Variants in ALS2 observed in about 807,000 individuals in gnomAD.
ALS2 encodes the protein alsin.
In ALS2, 117 loss-of-function variants were observed where a neutral mutation model predicts 203.4. The observed-to-expected ratio is 0.58, with a 90% CI of 0.50 to 0.67. ALS2 has a LOEUF of 0.67. Ranked by LOEUF, ALS2 falls within the 30% of genes least tolerant of loss-of-function variation. The probability of loss-of-function intolerance (pLI) is 0.00; values close to 1 mark genes in which losing one functional copy is unlikely to be tolerated. For missense variants in ALS2, 1,715 were observed against 1,989.4 expected, an observed-to-expected ratio of 0.86 and a Z score of 2.62; for synonymous variants, 718 against 725.9, an observed-to-expected ratio of 0.99 and a Z score of 0.17.
chr2:201,705,783 A>G (rs1689671326), intron 29 of ALS2, among the ~76,000 whole-genome samples: 1 of 152,158 alleles, frequency 6.6e-6, no homozygotes, highest in Non-Finnish European at 1.5e-5. Context: ...AAGCACAAAA[A>G]TAAGAAAATA....
rs1349425866 is a variant in ALS2 at position 201,728,556 on chromosome 2, C to T, written c.2797G>A (p.Val933Met). The part of the protein sequence containing the change: ...LSLQHAGRFS[V>M]NWFILFNDAL... ...TCATTAAAGAGAATGAACCAATTCACGGAAAACCTCCCAGCATGCTGCAGA... is the reference window on the plus strand; with the variant it reads ...TCATTAAAGAGAATGAACCAATTCATGGAAAACCTCCCAGCATGCTGCAGA... Residue 933 changes from valine (V) to methionine (M), a missense_variant, in exon 15 of 34, where the codon GTG becomes ATG. Transcript: ENST00000264276. 5.6e-6 allele frequency: 9 copies of T among 1,614,122 alleles called. No homozygotes were observed. The highest frequency in any genetic ancestry group is 1.6e-4 in the Middle Eastern group (1 of 6,062).
At position 201,738,670 on chromosome 2, in the gene ALS2, A is replaced by G. The variant is rs1559061860; in HGVS notation, c.2417T>C (p.Ile806Thr). The G allele has an allele frequency of 6.2e-7, 1 of 1,613,676 alleles. No homozygotes were observed. Among genetic ancestry groups the G allele is most frequent in the Non-Finnish European group, 8.5e-7 (1 of 1,179,546 alleles). Residue 806 changes from isoleucine to threonine, a missense_variant and splice_region_variant, in exon 12 of 34, where the codon ATT becomes ACT. Physicochemically the swap from Ile to Thr is moderately conservative, Grantham distance 89. Transcript: ENST00000264276. ...AACTGGAAGGTGTGGGTTTGCTTAC[A>G]TGGCAGGCTTAGCAAGAAGCTGGAA... The part of the protein sequence containing the change: ...GGFQLLAKPA[I>T]DFLNKNQELL...
At chr2:201,719,027 T>C (rs1279646085) in intron 23 of ALS2, among the ~76,000 whole-genome samples, 2 of 151,976 alleles carry the variant, frequency 1.3e-5, no homozygotes, top group Non-Finnish European at 2.9e-5. Flanking sequence ...AAACTAGAAG[T>C]TGCTTCTTTG....
At position 201,726,702 on chromosome 2, in the gene ALS2, G is replaced by C. The variant is rs753116627; in HGVS notation, c.3144C>G (p.Thr1048=). Residue 1048 remains threonine, a synonymous_variant, in exon 18 of 34, where the codon ACC becomes ACG. Coordinates refer to ENST00000264276, the MANE Select transcript of ALS2 (RefSeq NM_020919.4). ...FYKDPRLKDA[T]YDGRWLSGKP... ...TCCCTGAAAGCCAGCGTCCATCATA[G>C]GTGGCATCCTTTAGGCGAGGATCCT... 1 of 1,614,150 alleles carries C rather than the reference G, an allele frequency of 6.2e-7. No individual in the cohort carries two copies. The highest frequency in any genetic ancestry group is 8.5e-7 in the Non-Finnish European group (1 of 1,180,026).
At chr2:201,760,839 C>T in intron 4 of ALS2, 42 bp downstream of exon 4, 1 of 1,579,242 alleles carries the variant, frequency 6.3e-7, no homozygotes, top group South Asian at 1.2e-5. Flanking sequence ...CCATACAGTT[C>T]AACTCTAGAC....
intron 6 of ALS2, 116 bp downstream of exon 6, chr2:201,754,387 C>T: frequency 7.7e-7 from 1 of 1,292,032 alleles, no homozygotes; most frequent in African/African-American, 1.5e-5. Context: ...GTGTAATAAT[C>T]TGAAGCTAGA....
At chr2:201,759,751 G>A in intron 4 of ALS2, 1 of 985,040 alleles carries the variant, frequency 1.0e-6, no homozygotes. Flanking sequence ...CATTCTGACA[G>A]AGTAAACAAT....
At chr2:201,734,261 G>A (rs1175878935) in intron 12 of ALS2, among the ~76,000 whole-genome samples, 1 of 152,128 alleles carries the variant, frequency 6.6e-6, no homozygotes, top group Admixed American at 6.5e-5. Context: ...GATAGCTTGA[G>A]CCCGGAAGTT....
chr2:201,763,120 T>G lies in ALS2; in HGVS notation c.176-1302A>C, dbSNP rs534059847. On this transcript the variant is annotated intron_variant, in intron 3 of 33. Transcript: ENST00000264276. ...TGCCACTGGGGACTACAATGGCCACTTGCTCCAAGGAGGTGGCCACTGCCA... is the reference window on the plus strand; with the variant it reads ...TGCCACTGGGGACTACAATGGCCACGTGCTCCAAGGAGGTGGCCACTGCCA... The G allele has an allele frequency of 1.0e-4, 21 of 207,078 alleles. No homozygotes were observed. In the East Asian group the frequency reaches 2.1e-3, roughly 21 times the overall value. 12.8% of individuals were successfully genotyped at this position (207,078 alleles called of 1,614,324 possible).
At chr2:201,727,374 G>C in intron 16 of ALS2, 96 bp from the exon 17 acceptor site, 1 of 1,084,456 alleles carries the variant, frequency 9.2e-7, no homozygotes, top group South Asian at 1.3e-5. Context: ...TATTTCAAGA[G>C]GAACAGAAAT....
chr2:201,707,510 C>G (rs544454515), intron 28 of ALS2, among the ~76,000 whole-genome samples: 1 of 152,100 alleles, frequency 6.6e-6, no homozygotes, highest in South Asian at 2.1e-4. Context: ...CTCACTGCAG[C>G]CTTTAACCTC....
rs1689827778 is a variant in ALS2, at chr2:201,707,958, G to C, written c.4314C>G (p.Ser1438Arg). The C allele has an allele frequency of 6.2e-7, 1 of 1,613,084 alleles. No individual in the cohort carries two copies. Among genetic ancestry groups the C allele is most frequent in the African/African-American group, 1.3e-5 (1 of 74,886 alleles). Residue 1438 changes from serine (S) to arginine (R), a missense_variant, in exon 28 of 34, where the codon AGC becomes AGG. Transcript: ENST00000264276. Reference protein sequence around the residue: ...FLFPELPEEGSTIPLSAPLPT... With the variant: ...FLFPELPEEGRTIPLSAPLPT... ...GCAGAGGAGCAGAGAGAGGAATTGT[G>C]CTGCCTTCTTCAGGCAGCTCAGGAA...
rs542587063 is a variant in ALS2 at position 201,741,886 on chromosome 2, C to A, written c.2171-32G>T. ...CAAAATAATGATGATGATGACAACA[C>A]AAACTGAAAACCGATCACTTTATTA... On this transcript the variant is annotated intron_variant, in intron 10 of 33. Coordinates refer to ENST00000264276, the MANE Select transcript of ALS2 (RefSeq NM_020919.4). The A allele has an allele frequency of 1.0e-5, 16 of 1,548,562 alleles. No homozygotes were observed. The South Asian group carries it at 1.7e-4, about 16-fold the overall frequency.
intron 12 of ALS2, among the ~76,000 whole-genome samples, chr2:201,736,733 G>A (rs963574369): frequency 3.3e-5 from 5 of 151,494 alleles, no homozygotes; most frequent in Admixed American, 6.6e-5. Flanking sequence ...ATGAATAATC[G>A]TAAGAATGAG....
At chr2:201,777,127 CACA>C (rs1694697433) in intron 1 of ALS2, among the ~76,000 whole-genome samples, 1 of 152,120 alleles carries the variant, frequency 6.6e-6, no homozygotes, top group Admixed American at 6.5e-5. Flanking sequence ...GTATCTGAGT[CACA>C]ACATGTCCAA....
At chr2:201,702,779 T>C (rs1302191377) in intron 33 of ALS2, among the ~76,000 whole-genome samples, 1 of 152,192 alleles carries the variant, frequency 6.6e-6, no homozygotes, top group Non-Finnish European at 1.5e-5. Context: ...CTGTGGCCAA[T>C]ATTTTCCCCA....
intron 4 of ALS2, 76 bp from the exon 5 acceptor site, chr2:201,757,835 T>C: frequency 8.7e-7 from 1 of 1,149,422 alleles, no homozygotes; most frequent in Admixed American, 2.3e-5. Context: ...AAAGAAAGGC[T>C]AATATCCATC....
At chr2:201,714,606 T>G (rs1159448085) in intron 25 of ALS2, among the ~76,000 whole-genome samples, 1 of 152,220 alleles carries the variant, frequency 6.6e-6, no homozygotes, top group African/African-American at 2.4e-5. Context: ...AGCAAATCAC[T>G]GAATGTGTAA....
intron 33 of ALS2, among the ~76,000 whole-genome samples, chr2:201,702,810 T>C (rs1434642178): frequency 1.3e-5 from 2 of 152,212 alleles, no homozygotes; most frequent in African/African-American, 4.8e-5. Context: ...CTTTTCAGTT[T>C]ATTTAATAGA....
Sources: gnomAD v4.1 joint callset for allele counts (sites outside exome capture counted in the v4.1 genomes callset) on GRCh38, gnomAD v4.1.1 for gene constraint, MANE v1.5 for transcripts, NCBI Gene and HGNC (gene_info 2026-07-23, HGNC 2026-07-21) for gene names.